The following USP22 variants were observed in gnomAD, a reference collection of about 807,000 sequenced individuals.
The protein encoded by USP22 is ubiquitin carboxyl-terminal hydrolase 22.
USP22 carries 22 observed loss-of-function variants against 68.1 expected under a neutral mutation model. The observed-to-expected ratio is 0.32, with a 90% CI of 0.23 to 0.46. The LOEUF (loss-of-function observed/expected upper bound fraction) is 0.46, where lower values mean the gene tolerates loss of function less well. Ranked by LOEUF, USP22 falls within the 20% of genes least tolerant of loss-of-function variation. The pLI, the probability that USP22 is intolerant of heterozygous loss-of-function variation, is 1.00. For missense variants in USP22, 433 were observed against 695.8 expected (o/e 0.62, Z 4.25); for synonymous variants, 279 against 274.2 (o/e 1.02, Z -0.17).
At chr17:21,043,303 C>CCCCCCCCCCCCCG (rs1567596628), upstream of USP22, 17 of 53,670 alleles carry the variant, frequency 3.2e-4, no homozygotes, top group Non-Finnish European at 6.6e-4. Context: ...TAGGCCACCC[C>CCCCCCCCCCCCCG]CCCCCCCCCC....
At chr17:21,017,315 C>T (rs1262476302) in intron 5 of USP22, among the ~76,000 whole-genome samples, 3 of 152,218 alleles carry the variant, frequency 2.0e-5, no homozygotes, top group African/African-American at 7.2e-5. Flanking sequence ...GAACAGGCAC[C>T]AGCCTGCTTA....
At chr17:21,018,932 G>C in intron 4 of USP22, 152 bp downstream of exon 4, 2 of 737,816 alleles carry the variant, frequency 2.7e-6, no homozygotes, top group Admixed American at 2.5e-5. Flanking sequence ...GCAGAGAACA[G>C]GTGCTCAAGA....
Position 21,033,688 on chromosome 17 carries a change from T to G in USP22, c.172-5014A>C, listed in dbSNP as rs975441816. Among the ~76,000 whole-genome samples the G allele has an allele frequency of 2.6e-5, 4 of 152,302 alleles. No individual in the cohort carries two copies. The East Asian group carries it at 7.7e-4, about 29-fold the overall frequency. ...ATCTTAGGAAGGTAAGTTTAATTCTTGTGCATTCTCTTCAGTGACTTTTTC... is the reference window on the plus strand; with the variant it reads ...ATCTTAGGAAGGTAAGTTTAATTCTGGTGCATTCTCTTCAGTGACTTTTTC... On this transcript the variant is annotated intron_variant, in intron 1 of 12. Coordinates refer to ENST00000261497, the MANE Select transcript of USP22 (RefSeq NM_015276.2).
In USP22 at chr17:21,023,324, T is replaced by G. The variant is rs9915978; in HGVS notation, c.305-2098A>C. Among the ~76,000 whole-genome samples the G allele has an allele frequency of 3.1e-3, 471 of 152,258 alleles. 3 individuals are homozygous for G. The highest frequency in any genetic ancestry group is 0.011 in the African/African-American group (459 of 41,534). The stretch of plus-strand genomic sequence containing the variant: ...TATAACAAACCTGCACATGTACCGT[T>G]GAAACTAAAATAAAAGTTAAAATAT... On this transcript the variant is annotated intron_variant, in intron 2 of 12. Transcript: ENST00000261497.
intron 1 of USP22, among the ~76,000 whole-genome samples, chr17:21,035,063 A>G (rs1972336856): frequency 6.6e-6 from 1 of 152,186 alleles, no homozygotes; most frequent in Admixed American, 6.5e-5. Flanking sequence ...TGAGGGACAC[A>G]CACTTGGACG....
intron 11 of USP22, 122 bp downstream of exon 11, chr17:21,004,791 TAGTGGAGCTGCGGGC>T: frequency 5.2e-6 from 1 of 193,210 alleles, no homozygotes; most frequent in South Asian, 8.7e-5. Flanking sequence ...GGGCAGCCAA[TAGTGGAGCTGCGGGC>T]AGCCAAGCGG....
intron 11 of USP22, among the ~76,000 whole-genome samples, 189 bp from the exon 12 acceptor site, chr17:21,004,540 A>G (rs1253706807): frequency 6.6e-6 from 1 of 152,196 alleles, no homozygotes; most frequent in Non-Finnish European, 1.5e-5. Flanking sequence ...CCTTGGCTCT[A>G]GCCCGGGTCC....
intron 7 of USP22, 82 bp from the exon 8 acceptor site, chr17:21,011,391 A>C (rs1913966221): frequency 1.3e-6 from 2 of 1,507,766 alleles, no homozygotes; most frequent in South Asian, 2.5e-5. Flanking sequence ...AGCCGTTCCC[A>C]CATCCCTTCC....
At chr17:21,019,307 A>G (rs1972125468) in intron 3 of USP22, 122 bp from the exon 4 acceptor site, 3 of 896,536 alleles carry the variant, frequency 3.3e-6, no homozygotes, top group African/African-American at 1.6e-5. Context: ...CAACATCCAC[A>G]GCACCAGGGC....
At chr17:21,037,361 G>C (rs1972370390) in intron 1 of USP22, among the ~76,000 whole-genome samples, 1 of 152,180 alleles carries the variant, frequency 6.6e-6, no homozygotes, top group Non-Finnish European at 1.5e-5. Context: ...ATAAAGGAGG[G>C]AAAGAGTCAC....
chr17:21,023,736 C>G (rs952098001), intron 2 of USP22, among the ~76,000 whole-genome samples: 1 of 151,888 alleles, frequency 6.6e-6, no homozygotes, highest in African/African-American at 2.4e-5. Flanking sequence ...GAGGAAAGAC[C>G]ATGGATTGAG....
intron 2 of USP22, among the ~76,000 whole-genome samples, chr17:21,024,531 A>G (rs903184554): frequency 1.9e-4 from 29 of 152,208 alleles, no homozygotes; most frequent in African/African-American, 6.5e-4. Flanking sequence ...TATACAAAAA[A>G]TTAACTCGAA....
At position 21,042,662 on chromosome 17, in the gene USP22, C is replaced by T. The variant is rs1435867199; in HGVS notation, c.171+3G>A. 3 of 1,273,438 alleles carry T rather than the reference C, an allele frequency of 2.4e-6. No homozygotes were observed. Among genetic ancestry groups the T allele is most frequent in the Non-Finnish European group, 2.0e-6 (2 of 1,005,176 alleles). 78.9% of individuals were successfully genotyped at this position (1,273,438 alleles called of 1,614,324 possible). A position where few individuals can be genotyped will look rare whatever the true frequency, so the allele number is the denominator to read the frequency against. On this transcript the variant is annotated splice_donor_region_variant and intron_variant, in intron 1 of 12. Transcript: ENST00000261497. ...CCGCCGCGCGGTGGGCTGCCGGGCG[C>T]ACCTTGCGCTTGCGGGCCTCAGCCG...
intron 2 of USP22, among the ~76,000 whole-genome samples, chr17:21,024,714 T>C (rs1406990895): frequency 6.6e-6 from 1 of 152,160 alleles, no homozygotes; most frequent in Non-Finnish European, 1.5e-5. Context: ...ACACCTGGAA[T>C]CCCAGCACTT....
chr17:21,023,408 T>C (rs544690065), intron 2 of USP22, among the ~76,000 whole-genome samples: 1 of 152,154 alleles, frequency 6.6e-6, no homozygotes, highest in South Asian at 2.1e-4. Context: ...ATCCCAGCAC[T>C]TTGGGAGGCT....
At chr17:21,013,225 G>A (rs748427042) in intron 6 of USP22, among the ~76,000 whole-genome samples, 1 of 152,162 alleles carries the variant, frequency 6.6e-6, no homozygotes, top group African/African-American at 2.4e-5. Flanking sequence ...CAGAATAATC[G>A]ATTCCCATTA....
At position 21,005,010 on chromosome 17, in the gene USP22, G is replaced by A; in HGVS notation, c.1323-20C>T. ...TCTTTGCTGTAACAGACAACGGCAG[G>A]ATTCAGCATCATTAAAATCATCAGG... On this transcript the variant is annotated intron_variant, in intron 10 of 12. Transcript: ENST00000261497. 6.2e-7 allele frequency: 1 copy of A among 1,613,734 alleles called. No homozygotes were observed. Among genetic ancestry groups the A allele is most frequent in the Non-Finnish European group, 8.5e-7 (1 of 1,179,766 alleles).
chr17:21,008,732 C>CTA (rs1913855961), intron 8 of USP22, among the ~76,000 whole-genome samples: 1 of 152,024 alleles, frequency 6.6e-6, no homozygotes, highest in Non-Finnish European at 1.5e-5. Flanking sequence ...TAAAGGGTAC[C>CTA]TAAAGGCTTC....
At chr17:21,011,475 C>T (rs987236591) in intron 7 of USP22, 166 bp from the exon 8 acceptor site, 12 of 852,772 alleles carry the variant, frequency 1.4e-5, no homozygotes, top group Admixed American at 1.1e-4. Flanking sequence ...TCACACCCAA[C>T]GTGTCCTGGC....
Sources: gnomAD v4.1 joint callset for allele counts (sites outside exome capture counted in the v4.1 genomes callset) on GRCh38, gnomAD v4.1.1 for gene constraint, MANE v1.5 for transcripts, NCBI Gene and HGNC (gene_info 2026-07-23, HGNC 2026-07-21) for gene names.